PSMG2: variants seen among roughly 807,000 people sequenced by gnomAD.
The protein encoded by PSMG2 is proteasome assembly chaperone 2, also known as CD40 ligand-activated specific transcript 3.
A neutral mutation model predicts 31.5 loss-of-function variants in PSMG2; 21 were observed. That is an observed-to-expected ratio of 0.67 (90% CI 0.47 to 0.96). The LOEUF (loss-of-function observed/expected upper bound fraction) is 0.96, where lower values mean the gene tolerates loss of function less well. Ranked by LOEUF, PSMG2 falls within the 40% of genes least tolerant of loss-of-function variation. The pLI, the probability that PSMG2 is intolerant of heterozygous loss-of-function variation, is 0.00. For synonymous variants in PSMG2, 120 were observed against 110.4 expected, an observed-to-expected ratio of 1.09 and a Z score of -0.54; for missense variants, 318 against 321.2, an observed-to-expected ratio of 0.99 and a Z score of 0.08.
In PSMG2 at chr18:12,708,231, A is replaced by T. The variant is rs2040288929; in HGVS notation, c.229+1510A>T. On this transcript the variant is annotated intron_variant, in intron 2 of 6. Coordinates refer to ENST00000317615, the MANE Select transcript of PSMG2 (RefSeq NM_020232.5). ...GTTGTGGCTACAGTGAACCATGATG[A>T]TGCCACTGCACTCCAGCCCGGGTGA... Among the ~76,000 whole-genome samples the T allele has an allele frequency of 2.0e-5, 3 of 152,284 alleles. No individual in the cohort carries two copies. The South Asian group carries it at 6.2e-4, about 32-fold the overall frequency.
intron 5 of PSMG2, 97 bp from the exon 6 acceptor site, chr18:12,724,402 A>C (rs2040456680): frequency 3.9e-6 from 5 of 1,273,966 alleles, no homozygotes; most frequent in Non-Finnish European, 5.3e-6. Context: ...TTCCTTTCCT[A>C]AACCAGGTAG....
chr18:12,723,539 A>G lies in PSMG2; in HGVS notation c.582-960A>G, dbSNP rs144926610. Among the ~76,000 whole-genome samples, 1,401 of 152,176 alleles carry G rather than the reference A, an allele frequency of 9.2e-3. 31 individuals carry two copies. Among genetic ancestry groups the G allele is most frequent in the African/African-American group, 0.031 (1,295 of 41,530 alleles). On this transcript the variant is annotated intron_variant, in intron 5 of 6. Coordinates refer to ENST00000317615, the MANE Select transcript of PSMG2 (RefSeq NM_020232.5). ...CAGCCTCCTGAGTACCTACAGGCAC[A>G]TGCCACCATGCCCAGCTAATTTTTA... is the stretch of plus-strand genomic sequence containing the variant.
At chr18:12,672,304 CAG>C (rs1334466079) in intron 1 of PSMG2, among the ~76,000 whole-genome samples, 1 of 151,904 alleles carries the variant, frequency 6.6e-6, no homozygotes, top group Non-Finnish European at 1.5e-5. Context: ...TTAGTAGAGA[CAG>C]GGTTTCACCA....
At chr18:12,713,375 A>G (rs1015038784) in intron 3 of PSMG2, among the ~76,000 whole-genome samples, 9 of 152,156 alleles carry the variant, frequency 5.9e-5, no homozygotes, top group Admixed American at 6.5e-5. Flanking sequence ...TTATATTGCA[A>G]ATTGACTCCC....
In PSMG2 at chr18:12,690,163, T is replaced by C. The variant is rs147732518; in HGVS notation, c.-36-16387T>C. The stretch of plus-strand genomic sequence containing the variant: ...ATGTTGTTACCTTGCCAACCAGTCA[T>C]TCAATATATAAACAACGCTATCAGA... On this transcript the variant is annotated intron_variant, in intron 1 of 6. Transcript: ENST00000585331. Among the ~76,000 whole-genome samples, 37 of 152,278 alleles carry C rather than the reference T, an allele frequency of 2.4e-4. No homozygotes were observed. In the East Asian group the frequency reaches 5.8e-3, roughly 24 times the overall value.
At chr18:12,684,135 CTTTT>C (rs1185599357) in intron 1 of PSMG2, among the ~76,000 whole-genome samples, 1 of 151,466 alleles carries the variant, frequency 6.6e-6, no homozygotes, top group Admixed American at 6.6e-5. Flanking sequence ...AGTGATTCTC[CTTTT>C]TTTGTGTTTT....
chr18:12,692,303 G>A (rs1343080511), intron 1 of PSMG2: 2 of 150,482 alleles, frequency 1.3e-5, no homozygotes, highest in Non-Finnish European at 3.0e-5. Context: ...GCGATAGAGT[G>A]AGACTCTATC....
chr18:12,662,560 G>C (rs2038715174), intron 1 of PSMG2, among the ~76,000 whole-genome samples: 2 of 152,190 alleles, frequency 1.3e-5, no homozygotes, highest in South Asian at 4.1e-4. Context: ...AGCATCATTT[G>C]AGCTCACAAG....
rs2040422055 is a variant in PSMG2 at position 12,720,635 on chromosome 18, G to A, written c.533G>A (p.Cys178Tyr). The A allele has an allele frequency of 6.2e-7, 1 of 1,613,766 alleles. No individual in the cohort carries two copies. Among genetic ancestry groups the A allele is most frequent in the Admixed American group, 1.7e-5 (1 of 59,898 alleles). The part of the protein sequence containing the change: ...CIPEIDDSEF[C>Y]IRIPGGGITK... ...CCTGAAATAGATGATTCCGAGTTTT[G>A]TATCCGCATTCCGGGAGGAGGTATC... Residue 178 changes from cysteine to tyrosine, a missense_variant, in exon 5 of 7, where the codon TGT becomes TAT. By Grantham distance (194) the Cys-to-Tyr change is radical. Transcript: ENST00000317615.
At chr18:12,690,348 T>C (rs529867838) in intron 1 of PSMG2, among the ~76,000 whole-genome samples, 3 of 152,304 alleles carry the variant, frequency 2.0e-5, no homozygotes, top group Non-Finnish European at 4.4e-5. Flanking sequence ...CTTAAAATAA[T>C]ATACTACACT....
intron 5 of PSMG2, among the ~76,000 whole-genome samples, chr18:12,722,646 T>A (rs893369825): frequency 6.6e-5 from 10 of 152,140 alleles, no homozygotes; most frequent in African/African-American, 2.4e-4. Flanking sequence ...ATTCAGGAAA[T>A]GCGGATTTTA....
At chr18:12,666,479 GCC>G (rs111910209) in intron 1 of PSMG2, among the ~76,000 whole-genome samples, 2,423 of 112,450 alleles carry the variant, frequency 0.022, 76 homozygotes, top group African/African-American at 0.077. Flanking sequence ...TCCCTCTGTT[GCC>G]CAGGCTGGAG....
rs1380856845 is a variant in PSMG2 at position 12,705,566 on chromosome 18, A to AGTGT, written c.58-983_58-982insTGTG. On this transcript the variant is annotated intron_variant, in intron 1 of 6. Coordinates refer to ENST00000317615, the MANE Select transcript of PSMG2 (RefSeq NM_020232.5). ...GAAAAAGAGAGAGAGAGAGAGAGAG[A>AGTGT]GAGAGAGAGAGTGTGTGTGTGTGTG... Among the ~76,000 whole-genome samples, 626 of 128,492 alleles carry AGTGT rather than the reference A, an allele frequency of 4.9e-3. 1 individual carries two copies. Among genetic ancestry groups the AGTGT allele is most frequent in the African/African-American group, 0.01 (347 of 33,976 alleles). The allele number at this position is 128,492 out of a possible 152,430, so 84.3% of individuals were successfully genotyped here. A position where few individuals can be genotyped will look rare whatever the true frequency, so the allele number is the denominator to read the frequency against.
In PSMG2 at chr18:12,720,539, C is replaced by G. The variant is rs778398309; in HGVS notation, c.437C>G (p.Ser146Cys). The G allele has an allele frequency of 6.2e-7, 1 of 1,610,478 alleles. No homozygotes were observed. Among genetic ancestry groups the G allele is most frequent in the Admixed American group, 1.7e-5 (1 of 59,060 alleles). The change falls in exon 5 of 7, where the codon TCC (serine) becomes TGC (cysteine). Residue 146 changes from serine (S) to cysteine (C), a missense_variant. Physicochemically the swap from Ser to Cys is moderately radical, Grantham distance 112. Transcript: ENST00000317615. ...CCCTTCCGGTACCTACTTACACCTT[C>G]CATGCAAAAAAGTGTTCAAAATAAA... ...STPFRYLLTP[S>C]MQKSVQNKIK...
chr18:12,719,385 A>T (rs1372969445), intron 4 of PSMG2, among the ~76,000 whole-genome samples: 2 of 152,180 alleles, frequency 1.3e-5, no homozygotes, highest in African/African-American at 4.8e-5. Context: ...TCTAAGATGT[A>T]GCTTTTATTT....
intron 1 of PSMG2, chr18:12,673,227 T>A (rs1417933118): frequency 3.6e-6 from 5 of 1,407,454 alleles, no homozygotes; most frequent in Non-Finnish European, 1.8e-6. Context: ...ACATTACCAG[T>A]CAAGTATATA....
chr18:12,678,564 G>T, intron 1 of PSMG2: 1 of 628,174 alleles, frequency 1.6e-6, no homozygotes, highest in East Asian at 2.8e-5. Context: ...TTTAATACTT[G>T]TTTTTCTTTT....
At chr18:12,673,209 T>G (rs1162352623) in intron 1 of PSMG2, 2 of 1,343,526 alleles carry the variant, frequency 1.5e-6, no homozygotes, top group African/African-American at 1.5e-5. Context: ...ATGCATGATT[T>G]TTTTTAAACA....
intron 1 of PSMG2, among the ~76,000 whole-genome samples, chr18:12,676,664 A>C (rs2039146686): frequency 1.3e-5 from 2 of 152,236 alleles, no homozygotes; most frequent in Non-Finnish European, 2.9e-5. Context: ...GAAGGAAAGA[A>C]AAAGTAATAA....
Sources: gnomAD v4.1 joint callset for allele counts (sites outside exome capture counted in the v4.1 genomes callset) on GRCh38, gnomAD v4.1.1 for gene constraint, MANE v1.5 for transcripts, NCBI Gene and HGNC (gene_info 2026-07-23, HGNC 2026-07-21) for gene names.